The following DCLK1 variants were observed in gnomAD, a reference collection of about 807,000 sequenced individuals.
DCLK1 encodes serine/threonine-protein kinase DCLK1.
In DCLK1, 16 loss-of-function variants were observed where a neutral mutation model predicts 86.2. The observed-to-expected ratio is 0.19, with a 90% CI of 0.13 to 0.28. DCLK1 has a LOEUF of 0.28. Ranked by LOEUF, DCLK1 falls within the 10% of genes least tolerant of loss-of-function variation. The pLI is 1.00. For missense variants in DCLK1, 590 were observed against 940.2 expected (o/e 0.63, Z 4.87); for synonymous variants, 369 against 370.5 (o/e 1.00, Z 0.05).
intron 4 of DCLK1, among the ~76,000 whole-genome samples, chr13:35,918,090 T>A (rs1185256681): frequency 1.3e-5 from 2 of 152,174 alleles, no homozygotes; most frequent in Non-Finnish European, 2.9e-5. Flanking sequence ...CATACTAAGA[T>A]GTGATCATTT....
intron 5 of DCLK1, among the ~76,000 whole-genome samples, chr13:35,868,370 A>G (rs1410711077): frequency 6.6e-6 from 1 of 152,220 alleles, no homozygotes; most frequent in Non-Finnish European, 1.5e-5. Context: ...GACAATAAAA[A>G]GTTAAAAGCT....
intron 3 of DCLK1, among the ~76,000 whole-genome samples, chr13:35,982,425 AGAGAGAGGGGGAGGGAGG>A (rs1292391566): frequency 4.3e-4 from 17 of 39,456 alleles, no homozygotes; most frequent in African/African-American, 6.7e-4. Context: ...AGAGAGAGAG[AGAGAGAGGGGGAGGGAGG>A]GAGGGAGGGA....
At chr13:35,799,931 A>G (rs899621388) in intron 15 of DCLK1, among the ~76,000 whole-genome samples, 1 of 152,156 alleles carries the variant, frequency 6.6e-6, no homozygotes, top group African/African-American at 2.4e-5. Flanking sequence ...ATTGTTCTCC[A>G]CTAGATGGGT....
rs11360420 is a variant in DCLK1, at chr13:35,993,839, GAA to G, written c.724-46384_724-46383del. 6.9e-3 allele frequency among the ~76,000 whole-genome samples: 982 copies of G among 142,280 alleles called. 7 individuals are homozygous for G. The highest frequency in any genetic ancestry group is 0.021 in the African/African-American group (834 of 39,212). The allele number at this position is 142,280 out of a possible 152,430, so 93.3% of individuals were successfully genotyped here. A position where few individuals can be genotyped will look rare whatever the true frequency, so the allele number is the denominator to read the frequency against. The stretch of plus-strand genomic sequence containing the variant: ...AATTCCTTTCTCTGAACACTCATGA[GAA>G]AAAAAAAAAAAAGCTAGGATAAGTA... On this transcript the variant is annotated intron_variant, in intron 3 of 16. Transcript: ENST00000360631.
chr13:35,967,925 G>A (rs904845861), intron 3 of DCLK1, among the ~76,000 whole-genome samples: 1 of 152,114 alleles, frequency 6.6e-6, no homozygotes, highest in Non-Finnish European at 1.5e-5. Flanking sequence ...GGAGGCTGAG[G>A]CAGGAGAATC....
At chr13:35,878,230 T>C (rs991131527) in intron 4 of DCLK1, among the ~76,000 whole-genome samples, 1 of 152,222 alleles carries the variant, frequency 6.6e-6, no homozygotes, top group Non-Finnish European at 1.5e-5. Flanking sequence ...ATTTACTTTC[T>C]ATAGAAATGT....
intron 3 of DCLK1, among the ~76,000 whole-genome samples, chr13:35,984,892 C>T (rs577374482): frequency 9.0e-5 from 12 of 132,636 alleles, no homozygotes; most frequent in East Asian, 4.6e-4. Context: ...CCCCAGCGTG[C>T]GCATGCACAC....
intron 3 of DCLK1, among the ~76,000 whole-genome samples, chr13:36,015,201 T>C (rs145625533): frequency 6.6e-6 from 1 of 152,302 alleles, no homozygotes; most frequent in Non-Finnish European, 1.5e-5. Flanking sequence ...TCAGGAAATA[T>C]GAAGTGCCAT....
At chr13:36,087,155 C>T (rs1031519682) in intron 3 of DCLK1, among the ~76,000 whole-genome samples, 19 of 152,128 alleles carry the variant, frequency 1.2e-4, no homozygotes, top group African/African-American at 3.9e-4. Context: ...AATGATCGAT[C>T]GCCATTCCAA....
intron 3 of DCLK1, among the ~76,000 whole-genome samples, chr13:36,015,588 C>T (rs1028102530): frequency 1.3e-5 from 2 of 152,166 alleles, no homozygotes; most frequent in South Asian, 2.1e-4. Context: ...ACATGCCTAA[C>T]AATGAGCCTG....
chr13:35,996,726 C>A (rs1008991380), intron 3 of DCLK1, among the ~76,000 whole-genome samples: 2 of 150,016 alleles, frequency 1.3e-5, no homozygotes, highest in Non-Finnish European at 3.0e-5. Context: ...TACACACAAC[C>A]TATTGGTTCT....
chr13:36,120,943 G>T (rs568758148), intron 2 of DCLK1, among the ~76,000 whole-genome samples: 2 of 152,028 alleles, frequency 1.3e-5, no homozygotes, highest in Non-Finnish European at 2.9e-5. Context: ...TTTATGAAGG[G>T]GAATTTTGCA....
intron 4 of DCLK1, among the ~76,000 whole-genome samples, chr13:35,899,368 TGAGAGA>T (rs34255904): frequency 0.019 from 2,508 of 130,490 alleles, 59 homozygotes; most frequent in African/African-American, 0.061. Flanking sequence ...TGTGTGTGTG[TGAGAGA>T]GAGAGAGAGA....
chr13:36,101,325 C>T (rs1267897900), intron 3 of DCLK1, among the ~76,000 whole-genome samples: 1 of 152,238 alleles, frequency 6.6e-6, no homozygotes, highest in Non-Finnish European at 1.5e-5. Flanking sequence ...AGGCAGCCCA[C>T]TGAGGCTAGA....
At chr13:35,872,189 TA>T (rs1396277839) in intron 4 of DCLK1, among the ~76,000 whole-genome samples, 1 of 152,182 alleles carries the variant, frequency 6.6e-6, no homozygotes, top group African/African-American at 2.4e-5. Context: ...CTTGTAAGGA[TA>T]ATCAATGTTC....
rs1321882119 is a variant in DCLK1 at position 35,773,942 on chromosome 13, A to C, written c.*593T>G. Reference sequence around the variant, plus strand: ...GCAGAACTCACTGCAACTGACAGTCATATCTCTAATGAAAAAAAAAATCTG... The same window carrying C: ...GCAGAACTCACTGCAACTGACAGTCCTATCTCTAATGAAAAAAAAAATCTG... On this transcript the variant is annotated 3_prime_UTR_variant, in exon 17 of 17. Coordinates refer to ENST00000360631, the MANE Select transcript of DCLK1 (RefSeq NM_001330071.2). The C allele has an allele frequency of 1.3e-5, 2 of 151,460 alleles. No individual in the cohort carries two copies. Among genetic ancestry groups the C allele is most frequent in the Non-Finnish European group, 2.9e-5 (2 of 68,086 alleles). 9.4% of individuals were successfully genotyped at this position (151,460 alleles called of 1,614,324 possible).
At chr13:36,050,027 T>C (rs1883067741) in intron 3 of DCLK1, among the ~76,000 whole-genome samples, 1 of 152,160 alleles carries the variant, frequency 6.6e-6, no homozygotes, top group Admixed American at 6.5e-5. Flanking sequence ...TACCAAGTGT[T>C]TAACAACTGG....
chr13:35,949,108 A>G (rs940559047), intron 3 of DCLK1, among the ~76,000 whole-genome samples: 13 of 152,204 alleles, frequency 8.5e-5, no homozygotes, highest in African/African-American at 2.9e-4. Flanking sequence ...AGAAGTCATG[A>G]TCTCCACCCA....
intron 6 of DCLK1, chr13:35,849,605 T>C: frequency 1.0e-6 from 1 of 978,450 alleles, no homozygotes; most frequent in Non-Finnish European, 1.2e-6. Flanking sequence ...AAGACGACTA[T>C]AATTTTTAAA....
Sources: gnomAD v4.1 joint callset for allele counts (sites outside exome capture counted in the v4.1 genomes callset) on GRCh38, gnomAD v4.1.1 for gene constraint, MANE v1.5 for transcripts, NCBI Gene and HGNC (gene_info 2026-07-23, HGNC 2026-07-21) for gene names.